The following ABCA12 variants were observed in gnomAD, a reference collection of about 807,000 sequenced individuals.
The protein encoded by ABCA12 is glucosylceramide transporter ABCA12.
ABCA12 carries 156 observed loss-of-function variants against 293.5 expected under a neutral mutation model. The observed-to-expected ratio is 0.53, with a 90% CI of 0.47 to 0.61. ABCA12 has a LOEUF of 0.61. Among genes scored for constraint, ABCA12 ranks in the 20% least tolerant of loss-of-function variants. The pLI, the probability that ABCA12 is intolerant of heterozygous loss-of-function variation, is 0.00. For missense variants in ABCA12, 2,797 were observed against 3,090.2 expected (o/e 0.91, Z 2.25); for synonymous variants, 1,063 against 1,108.0 (o/e 0.96, Z 0.81).
At chr2:214,945,992 G>A (rs1226876829) in intron 48 of ABCA12, among the ~76,000 whole-genome samples, 1 of 152,042 alleles carries the variant, frequency 6.6e-6, no homozygotes, top group Non-Finnish European at 1.5e-5. Flanking sequence ...TAGACAAGAA[G>A]CATAAGTTCT....
rs957187113 is a variant in ABCA12 at position 215,015,630 on chromosome 2, C to T, written c.1816G>A (p.Asp606Asn). Residue 606 changes from aspartate to asparagine, a missense_variant, in exon 15 of 53, where the codon GAT becomes AAT. Asp to Asn is a conservative substitution (Grantham distance 23, BLOSUM62 1). Transcript: ENST00000272895. ...AGTTTGGGAGTGGTGATATTAGTAT[C>T]ACAGGAATGCAGCCAGAACACCTGA... ...ISQVFWLHSC[D>N]TNITTPKLED... 11 of 1,613,982 alleles carry T rather than the reference C, an allele frequency of 6.8e-6. No homozygotes were observed. In the Middle Eastern group the frequency reaches 6.6e-4, roughly 97 times the overall value.
At chr2:214,992,521 CCTT>C (rs1291182427) in intron 23 of ABCA12, among the ~76,000 whole-genome samples, 3 of 64,186 alleles carry the variant, frequency 4.7e-5, no homozygotes, top group African/African-American at 2.3e-4. Flanking sequence ...GTATCCCCCC[CCTT>C]TTTTTTTTTT....
intron 6 of ABCA12, 63 bp from the exon 7 acceptor site, chr2:215,046,078 G>T: frequency 6.5e-7 from 1 of 1,544,360 alleles, no homozygotes; most frequent in South Asian, 1.1e-5. Context: ...CACATGGTTT[G>T]CTGTTTTTAA....
Position 214,966,982 on chromosome 2 carries a change from A to T in ABCA12, c.5779-29T>A, listed in dbSNP as rs760497854. The T allele has an allele frequency of 1.0e-5, 16 of 1,540,508 alleles. 1 individual carries two copies. In the Admixed American group the frequency reaches 1.3e-4, roughly 13 times the overall value. ...TTAAATTCCAAAAGAAGGCAAGATCAATATTGCATTCAAATAAATTAGGCT... is the reference window on the plus strand; with the variant it reads ...TTAAATTCCAAAAGAAGGCAAGATCTATATTGCATTCAAATAAATTAGGCT... On this transcript the variant is annotated intron_variant, in intron 38 of 52. Transcript: ENST00000272895.
At chr2:215,033,857 C>G (rs889455659) in intron 8 of ABCA12, among the ~76,000 whole-genome samples, 2 of 151,968 alleles carry the variant, frequency 1.3e-5, no homozygotes, top group African/African-American at 4.8e-5. Context: ...AGGAGAATGG[C>G]GTGAACCCGG....
intron 48 of ABCA12, 85 bp downstream of exon 48, chr2:214,947,337 A>C (rs1698614381): frequency 6.3e-7 from 1 of 1,582,632 alleles, no homozygotes; most frequent in African/African-American, 1.3e-5. Context: ...TGTTGACTGC[A>C]ATCATGATGA....
At chr2:215,027,081 A>C in intron 9 of ABCA12, 143 bp from the exon 10 acceptor site, 2 of 634,080 alleles carry the variant, frequency 3.2e-6, no homozygotes, top group Non-Finnish European at 5.7e-6. Context: ...GCGGTGGCTC[A>C]CGCCTGTAAT....
At chr2:215,072,398 G>A (rs963586250) in intron 2 of ABCA12, among the ~76,000 whole-genome samples, 9 of 152,126 alleles carry the variant, frequency 5.9e-5, no homozygotes, top group African/African-American at 2.2e-4. Context: ...TCTTTATATT[G>A]TTGGCTTATT....
intron 41 of ABCA12, among the ~76,000 whole-genome samples, chr2:214,957,101 G>A (rs16852994): frequency 0.16 from 23,843 of 152,056 alleles, 3,057 homozygotes; most frequent in African/African-American, 0.35. Flanking sequence ...AAGACAGCCA[G>A]GTATCTTGGT....
chr2:214,988,472 C>G (rs577104110), intron 26 of ABCA12, among the ~76,000 whole-genome samples: 33 of 152,328 alleles, frequency 2.2e-4, no homozygotes, highest in Admixed American at 5.9e-4. Flanking sequence ...CTGTCTCTAT[C>G]TGTCTTTCAC....
rs1700127568 is a variant in ABCA12 at position 215,000,838 on chromosome 2, T to A, written c.3046A>T (p.Ile1016Phe). ...GPHNSPSHNQIYGRAFIYLQD... is the reference protein window; with the variant it reads ...GPHNSPSHNQFYGRAFIYLQD... ...AAATAAATAAAAGCCCTGCCATAGA[T>A]CTGGTTGTGTGATGGAGAATTGTGT... Residue 1016 changes from isoleucine to phenylalanine, a missense_variant, in exon 22 of 53, where the codon ATC becomes TTC. Ile to Phe is a conservative substitution (Grantham distance 21). This residue lies in a region of ABCA12 where 2,130 missense variants were observed against 2,427.0 expected (regional missense o/e 0.88). Coordinates refer to ENST00000272895, the MANE Select transcript of ABCA12 (RefSeq NM_173076.3). 6.2e-7 allele frequency: 1 copy of A among 1,614,104 alleles called. No individual in the cohort carries two copies.
rs547695393 is a variant in ABCA12, at chr2:215,011,567, G to A, written c.2204C>T (p.Thr735Ile). The part of the protein sequence containing the change: ...ISQALCSQGI[T>I]TEYLTAMLPS... Reference sequence around the variant, plus strand: ...CAGCATGGCAGTTAAATATTCAGTGGTAATTCCTTGAGAACATAATGCTTG... The same window carrying A: ...CAGCATGGCAGTTAAATATTCAGTGATAATTCCTTGAGAACATAATGCTTG... Residue 735 changes from threonine to isoleucine, a missense_variant, in exon 17 of 53, where the codon ACC becomes ATC. This residue lies in a region of ABCA12 where 2,130 missense variants were observed against 2,427.0 expected (regional missense o/e 0.88). Transcript: ENST00000272895. 3 of 1,613,928 alleles carry A rather than the reference G, an allele frequency of 1.9e-6. No individual in the cohort carries two copies. The highest frequency in any genetic ancestry group is 2.5e-6 in the Non-Finnish European group (3 of 1,179,950).
chr2:215,075,616 C>A (rs776105778), intron 2 of ABCA12: 7 of 684,114 alleles, frequency 1.0e-5, no homozygotes, highest in South Asian at 3.2e-5. Context: ...TAGAAGAATC[C>A]CCTGTAAAAG....
intron 49 of ABCA12, 94 bp from the exon 50 acceptor site, chr2:214,943,111 T>G: frequency 1.1e-6 from 1 of 905,714 alleles, no homozygotes; most frequent in Non-Finnish European, 1.8e-6. Flanking sequence ...ATTATGGCAC[T>G]TGGAAATACT....
intron 9 of ABCA12, among the ~76,000 whole-genome samples, chr2:215,028,496 A>G (rs1389886008): frequency 1.3e-5 from 2 of 152,184 alleles, no homozygotes; most frequent in African/African-American, 2.4e-5. Flanking sequence ...TGGTAATACT[A>G]TATTTGGTGG....
intron 2 of ABCA12, among the ~76,000 whole-genome samples, chr2:215,096,265 C>A (rs1702248563): frequency 6.6e-6 from 1 of 152,136 alleles, no homozygotes; most frequent in Non-Finnish European, 1.5e-5. Flanking sequence ...GAAGTAGGTT[C>A]TTTGATTATC....
At chr2:215,114,987 A>G (rs1702656120) in intron 1 of ABCA12, among the ~76,000 whole-genome samples, 1 of 152,178 alleles carries the variant, frequency 6.6e-6, no homozygotes, top group African/African-American at 2.4e-5. Flanking sequence ...ATTGTATGGT[A>G]TGTATGGTTG....
At position 214,982,228 on chromosome 2, in the gene ABCA12, G is replaced by C. The variant is rs1699683736; in HGVS notation, c.4538C>G (p.Ser1513Cys). The C allele has an allele frequency of 3.1e-6, 5 of 1,613,858 alleles. No homozygotes were observed. The highest frequency in any genetic ancestry group is 4.2e-6 in the Non-Finnish European group (5 of 1,179,988). The change falls in exon 30 of 53, where the codon TCT (serine) becomes TGT (cysteine). Residue 1513 changes from serine (S) to cysteine (C), a missense_variant. Around this residue, in one of 3 missense-constraint regions of ABCA12, gnomAD observed 2,130 missense variants for 2,427.0 expected, o/e 0.88. Coordinates refer to ENST00000272895, the MANE Select transcript of ABCA12 (RefSeq NM_173076.3). ...TATAACATCCCATATACTTCGGCGA[G>C]AACATGGGTCAACTCCAGTAGATGG... ...DEPSTGVDPC[S>C]RRSIWDVISK...
chr2:215,008,809 G>A (rs139285651), intron 18 of ABCA12, among the ~76,000 whole-genome samples: 12 of 152,046 alleles, frequency 7.9e-5, no homozygotes, highest in African/African-American at 1.2e-4. Flanking sequence ...AAAAGACCAC[G>A]CTTAAAACAT....
Sources: allele counts gnomAD v4.1 joint callset (sites outside exome capture counted in the v4.1 genomes callset), GRCh38; gene constraint gnomAD v4.1.1; regional missense constraint gnomAD v4.1.1; transcripts MANE v1.5; gene names NCBI Gene and HGNC (gene_info 2026-07-23, HGNC 2026-07-21).